Variants in USP31 observed in about 807,000 individuals in gnomAD.
The protein encoded by USP31 is ubiquitin carboxyl-terminal hydrolase 31.
In USP31, 44 loss-of-function variants were observed where a neutral mutation model predicts 119.4. That is an observed-to-expected ratio of 0.37 (90% confidence interval 0.29 to 0.47). The LOEUF is 0.47. Ranked by LOEUF, USP31 falls within the 20% of genes least tolerant of loss-of-function variation. The probability of loss-of-function intolerance (pLI) is 0.99; values close to 1 mark genes in which losing one functional copy is unlikely to be tolerated. For synonymous variants in USP31, 749 were observed against 705.6 expected, an observed-to-expected ratio of 1.06 and a Z score of -0.97; for missense variants, 1,643 against 1,730.2, an observed-to-expected ratio of 0.95 and a Z score of 0.89.
rs7404955 is a variant in USP31 at position 23,149,297 on chromosome 16, G to T, written c.-27C>A. ...GCGGCGGCCGCAGACACTCATCACCGCGCCCGCCCGCCCGGCCCGCGGCCC... is the reference window on the plus strand; with the variant it reads ...GCGGCGGCCGCAGACACTCATCACCTCGCCCGCCCGCCCGGCCCGCGGCCC... On this transcript the variant is annotated 5_prime_UTR_variant, in exon 1 of 16. Coordinates refer to ENST00000219689, the MANE Select transcript of USP31 (RefSeq NM_020718.4). 9.6e-7 allele frequency: 1 copy of T among 1,045,110 alleles called. No homozygotes were observed. The highest frequency in any genetic ancestry group is 5.6e-5 in the Admixed American group (1 of 17,720). 64.7% of individuals were successfully genotyped at this position (1,045,110 alleles called of 1,614,324 possible).
rs959277991 is a variant in USP31 at position 23,063,360 on chromosome 16, G to C, written c.*4686C>G. The C allele has an allele frequency of 1.3e-5, 2 of 152,574 alleles. No homozygotes were observed. The highest frequency in any genetic ancestry group is 6.5e-5 in the Admixed American group (1 of 15,308). 9.5% of individuals were successfully genotyped at this position (152,574 alleles called of 1,614,324 possible). On this transcript the variant is annotated 3_prime_UTR_variant, in exon 16 of 16. Transcript: ENST00000219689. The stretch of plus-strand genomic sequence containing the variant: ...GGAAGCCCCAAAGCTTTTCAAAATA[G>C]CTCTAAGTCTCTATAAAAGCATCTT...
At chr16:23,088,838 T>C (rs944102058) in intron 7 of USP31, among the ~76,000 whole-genome samples, 1 of 152,204 alleles carries the variant, frequency 6.6e-6, no homozygotes, top group African/African-American at 2.4e-5. Context: ...AAACAGACAA[T>C]GTCTAGAAAA....
chr16:23,133,094 T>C (rs1903078870), intron 1 of USP31, among the ~76,000 whole-genome samples: 2 of 152,244 alleles, frequency 1.3e-5, no homozygotes, highest in Non-Finnish European at 2.9e-5. Flanking sequence ...GCTTGTGTGA[T>C]GATAGGAAAA....
At chr16:23,076,267 C>T (rs1900567288) in intron 13 of USP31, among the ~76,000 whole-genome samples, 1 of 148,810 alleles carries the variant, frequency 6.7e-6, no homozygotes. Flanking sequence ...AACACGTACA[C>T]CTGAACTTAA....
Position 23,079,937 on chromosome 16 carries a change from ACTG to A in USP31, c.2176+6_2176+8del, listed in dbSNP as rs1173255774. 1 of 1,585,432 alleles carries A rather than the reference ACTG, an allele frequency of 6.3e-7. No homozygotes were observed. The highest frequency in any genetic ancestry group is 8.6e-7 in the Non-Finnish European group (1 of 1,167,502). ...CCAGCACAGACACGCAGCCTCTCAC[ACTG>A]CAGACCTGTGTAGTGCCCCCCTTGC... On this transcript the variant is annotated splice_donor_region_variant and intron_variant, in intron 13 of 15. Coordinates refer to ENST00000219689, the MANE Select transcript of USP31 (RefSeq NM_020718.4).
intron 1 of USP31, among the ~76,000 whole-genome samples, chr16:23,133,260 C>A (rs956680170): frequency 6.6e-6 from 1 of 152,140 alleles, no homozygotes; most frequent in African/African-American, 2.4e-5. Context: ...CTGACCCAAG[C>A]CCACGACAGA....
chr16:23,103,882 TC>T (rs967307253), intron 5 of USP31, among the ~76,000 whole-genome samples: 10 of 152,196 alleles, frequency 6.6e-5, no homozygotes, highest in Admixed American at 5.9e-4. Flanking sequence ...ACCAATGCAC[TC>T]CAGCCTGGGC....
chr16:23,134,767 A>C (rs942970465), intron 1 of USP31, among the ~76,000 whole-genome samples: 1 of 152,000 alleles, frequency 6.6e-6, no homozygotes, highest in African/African-American at 2.4e-5. Flanking sequence ...AGTAAGGGAA[A>C]AGGTCAGGTT....
chr16:23,074,258 C>T (rs1348968725), intron 13 of USP31, among the ~76,000 whole-genome samples: 2 of 151,990 alleles, frequency 1.3e-5, no homozygotes, highest in African/African-American at 2.4e-5. Context: ...GTAGAGGCCA[C>T]GGATGCTGCT....
In USP31 at chr16:23,069,095, T is replaced by C. The variant is rs765676455; in HGVS notation, c.3010A>G (p.Lys1004Glu). 9 of 1,612,656 alleles carry C rather than the reference T, an allele frequency of 5.6e-6. No homozygotes were observed. The highest frequency in any genetic ancestry group is 5.5e-5 in the South Asian group (5 of 91,090). Residue 1004 changes from lysine (K) to glutamate (E), a missense_variant, in exon 16 of 16, where the codon AAA (lysine) becomes GAA (glutamate). Lys to Glu is a moderately conservative substitution (Grantham distance 56). Transcript: ENST00000219689. The part of the protein sequence containing the change: ...QSDSVDSSPV[K>E]EVKAPSHPGS... The stretch of plus-strand genomic sequence containing the variant: ...GGGTGGCTGGGGGCTTTCACCTCTT[T>C]GACTGGAGAGCTGTCTACGGAGTCG...
intron 1 of USP31, among the ~76,000 whole-genome samples, chr16:23,127,650 T>G (rs1237131128): frequency 2.0e-5 from 3 of 150,160 alleles, no homozygotes; most frequent in African/African-American, 4.9e-5. Context: ...TAGTTTTTTT[T>G]TTTTTTTTTT....
Position 23,105,576 on chromosome 16 carries a change from C to A in USP31, c.954G>T (p.Arg318Ser). 6.3e-7 allele frequency: 1 copy of A among 1,590,750 alleles called. No individual in the cohort carries two copies. The highest frequency in any genetic ancestry group is 8.6e-7 in the Non-Finnish European group (1 of 1,169,262). Residue 318 changes from arginine to serine, a missense_variant and splice_region_variant, in exon 5 of 16, where the codon AGG (arginine) becomes AGT (serine). Arg to Ser is a moderately radical substitution (Grantham distance 110). Around this residue, in one of 5 missense-constraint regions of USP31, gnomAD observed 144 missense variants for 218.0 expected, o/e 0.66. Transcript: ENST00000219689. Reference sequence around the variant, plus strand: ...GATACACTACAGTGACATAGAGAGGCCTGTACAGATCAAAGTCAGATCTTC... The same window carrying A: ...GATACACTACAGTGACATAGAGAGGACTGTACAGATCAAAGTCAGATCTTC... Reference protein sequence around the residue: ...ISLPIPLPHTRPLYVTVVYQG... With the variant: ...ISLPIPLPHTSPLYVTVVYQG...
rs1012945718 is a variant in USP31, at chr16:23,148,824, G to A, written c.447C>T (p.Thr149=). 6.5e-6 allele frequency: 10 copies of A among 1,538,332 alleles called. No individual in the cohort carries two copies. In the South Asian group the frequency reaches 9.8e-5, roughly 15 times the overall value. ...MNATLQCLSN[T]ELFAEYLALG... ...GCGCCAGGTACTCGGCGAAGAGCTC[G>A]GTGTTGCTGAGGCACTGCAGCGTGG... The change falls in exon 1 of 16, where the codon ACC becomes ACT. Residue 149 remains threonine, a synonymous_variant. Coordinates refer to ENST00000219689, the MANE Select transcript of USP31 (RefSeq NM_020718.4).
At chr16:23,148,327 C>G (rs1361473182) in intron 1 of USP31, among the ~76,000 whole-genome samples, 1 of 152,216 alleles carries the variant, frequency 6.6e-6, no homozygotes, top group Non-Finnish European at 1.5e-5. Flanking sequence ...CACTCCCACC[C>G]CACAAAAATG....
chr16:23,124,217 G>C (rs141980137), intron 1 of USP31, among the ~76,000 whole-genome samples: 231 of 152,264 alleles, frequency 1.5e-3, no homozygotes, highest in African/African-American at 5.4e-3. Context: ...CCTAAAAGGA[G>C]ATCAATCAAT....
rs188572604 is a variant in USP31, at chr16:23,123,456, T to C, written c.634-15273A>G. Among the ~76,000 whole-genome samples, 834 of 152,130 alleles carry C rather than the reference T, an allele frequency of 5.5e-3. 6 individuals are homozygous for C. The highest frequency in any genetic ancestry group is 0.019 in the African/African-American group (786 of 41,502). ...ATGAGGCTGAAGCAGGAGAATCACT[T>C]GAACCTGGGAGGTGGAGGATGCAGT... On this transcript the variant is annotated intron_variant, in intron 1 of 15. Transcript: ENST00000219689.
chr16:23,123,404 G>C (rs1902741753), intron 1 of USP31, among the ~76,000 whole-genome samples: 1 of 152,034 alleles, frequency 6.6e-6, no homozygotes, highest in South Asian at 2.1e-4. Flanking sequence ...CAGGCGTGTT[G>C]GTGCCCGCCT....
At position 23,069,433 on chromosome 16, in the gene USP31, C is replaced by T; in HGVS notation, c.2672G>A (p.Ser891Asn). ...SRFSGDSPIHSSASTLEKIGE... is the reference protein window; with the variant it reads ...SRFSGDSPIHNSASTLEKIGE... ...AATCTTCTCCAAGGTGGAAGCAGAGCTGTGAATTGGCGAATCCCCTGAAAA... is the reference window on the plus strand; with the variant it reads ...AATCTTCTCCAAGGTGGAAGCAGAGTTGTGAATTGGCGAATCCCCTGAAAA... The change falls in exon 16 of 16, where the codon AGC becomes AAC. Residue 891 changes from serine to asparagine, a missense_variant. Transcript: ENST00000219689. 6.2e-7 allele frequency: 1 copy of T among 1,614,184 alleles called. No homozygotes were observed. The highest frequency in any genetic ancestry group is 8.5e-7 in the Non-Finnish European group (1 of 1,180,024).
intron 1 of USP31, among the ~76,000 whole-genome samples, chr16:23,122,603 T>C (rs929099130): frequency 3.3e-5 from 5 of 152,220 alleles, no homozygotes; most frequent in African/African-American, 9.6e-5. Context: ...ATTCATATAA[T>C]AGAATATTTT....
Sources: allele counts gnomAD v4.1 joint callset (sites outside exome capture counted in the v4.1 genomes callset), GRCh38; gene constraint gnomAD v4.1.1; regional missense constraint gnomAD v4.1.1; transcripts MANE v1.5; gene names NCBI Gene and HGNC (gene_info 2026-07-23, HGNC 2026-07-21).